Variants in NCALD observed in about 807,000 individuals in gnomAD.
NCALD encodes neurocalcin-delta.
Under a neutral mutation model 18.6 loss-of-function variants are expected in NCALD, and 10 were observed. The ratio of observed to expected loss-of-function variants is 0.54; its 90% CI spans 0.33 to 0.91. NCALD has a LOEUF of 0.91. Among genes scored for constraint, NCALD ranks in the 40% least tolerant of loss-of-function variants. The probability of loss-of-function intolerance (pLI) is 0.03; values close to 1 mark genes in which losing one functional copy is unlikely to be tolerated. For synonymous variants in NCALD, 88 were observed against 87.4 expected, an observed-to-expected ratio of 1.01 and a Z score of -0.04; for missense variants, 184 against 247.6, an observed-to-expected ratio of 0.74 and a Z score of 1.72.
chr8:101,700,611 G>A (rs181245666), intron 2 of NCALD, among the ~76,000 whole-genome samples: 4 of 152,110 alleles, frequency 2.6e-5, no homozygotes, highest in Admixed American at 6.5e-5. Context: ...TCTTCTTCTT[G>A]GGATTCTGAT....
At chr8:101,760,311 C>A (rs759327209) in intron 1 of NCALD, among the ~76,000 whole-genome samples, 1 of 152,168 alleles carries the variant, frequency 6.6e-6, no homozygotes, top group Non-Finnish European at 1.5e-5. Context: ...CCAGTGGGCT[C>A]TGAAGCAGCT....
intron 2 of NCALD, among the ~76,000 whole-genome samples, chr8:102,000,691 G>T (rs1481152167): frequency 6.6e-6 from 1 of 152,222 alleles, no homozygotes; most frequent in South Asian, 2.1e-4. Flanking sequence ...CCAGAGGAAT[G>T]ATCAGGCAAC....
intron 2 of NCALD, among the ~76,000 whole-genome samples, chr8:101,936,049 A>T (rs1818751405): frequency 6.6e-6 from 1 of 152,058 alleles, no homozygotes; most frequent in South Asian, 2.1e-4. Context: ...TTGTAGCAGG[A>T]ATCTGTGGAA....
At chr8:102,011,890 C>G (rs1470784162) in intron 2 of NCALD, among the ~76,000 whole-genome samples, 1 of 152,074 alleles carries the variant, frequency 6.6e-6, no homozygotes, top group Non-Finnish European at 1.5e-5. Context: ...AAAGTTTCAC[C>G]AAATGGAAAT....
intron 4 of NCALD, among the ~76,000 whole-genome samples, chr8:101,869,574 C>T (rs1815919085): frequency 6.6e-6 from 1 of 152,152 alleles, no homozygotes; most frequent in Non-Finnish European, 1.5e-5. Flanking sequence ...AGCTTGATTG[C>T]ATGGGAGTCC....
Position 102,075,287 on chromosome 8 carries a change from T to A in NCALD, c.-210+48950A>T, listed in dbSNP as rs1488653870. Among the ~76,000 whole-genome samples the A allele has an allele frequency of 2.6e-5, 4 of 152,248 alleles. No individual in the cohort carries two copies. In the East Asian group the frequency reaches 5.8e-4, roughly 22 times the overall value. On this transcript the variant is annotated intron_variant, in intron 1 of 6. Transcript: ENST00000311028. ...ATTTTTCCCTATGTGTCCATGAATA[T>A]TTATGGAAACATAACTATAAAACTA...
At chr8:101,892,373 T>C (rs1264945) in intron 3 of NCALD, among the ~76,000 whole-genome samples, 50,802 of 140,878 alleles carry the variant, frequency 0.36, 12,665 homozygotes, top group African/African-American at 0.68. Context: ...ACATCACCAT[T>C]ATCAAAGACC....
intron 2 of NCALD, among the ~76,000 whole-genome samples, chr8:101,936,028 G>T (rs1449371285): frequency 1.3e-5 from 2 of 152,020 alleles, no homozygotes; most frequent in African/African-American, 4.8e-5. Flanking sequence ...ATGCAGGGAG[G>T]TGAATAGATT....
chr8:101,885,706 T>C (rs1358478122), intron 4 of NCALD, among the ~76,000 whole-genome samples: 1 of 152,112 alleles, frequency 6.6e-6, no homozygotes, highest in African/African-American at 2.4e-5. Context: ...CCTGAAACAA[T>C]AAACACAGAG....
intron 1 of NCALD, among the ~76,000 whole-genome samples, chr8:101,780,955 C>T (rs930410320): frequency 5.3e-5 from 8 of 152,034 alleles, no homozygotes; most frequent in African/African-American, 1.9e-4. Flanking sequence ...ACAGTATAGT[C>T]CTTGGCTATA....
intron 1 of NCALD, among the ~76,000 whole-genome samples, chr8:101,724,375 G>A (rs1317571935): frequency 6.6e-6 from 1 of 152,164 alleles, no homozygotes; most frequent in Non-Finnish European, 1.5e-5. Context: ...ATGACACGTT[G>A]GCCTCCTGGA....
At chr8:101,964,892 G>A (rs930647494) in intron 2 of NCALD, among the ~76,000 whole-genome samples, 2 of 152,146 alleles carry the variant, frequency 1.3e-5, no homozygotes, top group African/African-American at 4.8e-5. Context: ...GACTCCAAAA[G>A]GCTTCTTAAG....
Position 101,692,843 on chromosome 8 carries a change from G to T in NCALD, c.432C>A (p.Thr144=), listed in dbSNP as rs767666301. 2.5e-6 allele frequency: 4 copies of T among 1,613,798 alleles called. No individual in the cohort carries two copies. In the South Asian group the frequency reaches 3.3e-5, roughly 13 times the overall value. ...AGATCTTTTCTGTTCTTTTCTCTGGGGTTGACTCATCTTCAGGCATTTTCA... is the reference window on the plus strand; with the variant it reads ...AGATCTTTTCTGTTCTTTTCTCTGGTGTTGACTCATCTTCAGGCATTTTCA... ...SVMKMPEDES[T]PEKRTEKIFR... Residue 144 remains threonine, a synonymous_variant, in exon 3 of 4, where the codon ACC becomes ACA. Coordinates refer to ENST00000220931, the MANE Select transcript of NCALD (RefSeq NM_032041.3).
At chr8:101,781,661 G>T (rs1420441464) in intron 1 of NCALD, among the ~76,000 whole-genome samples, 2 of 152,114 alleles carry the variant, frequency 1.3e-5, no homozygotes, top group Non-Finnish European at 2.9e-5. Flanking sequence ...ATTTCTTCTG[G>T]TGTTGGACCT....
chr8:101,885,422 A>G (rs1375588045), intron 4 of NCALD, among the ~76,000 whole-genome samples: 1 of 152,224 alleles, frequency 6.6e-6, no homozygotes, highest in African/African-American at 2.4e-5. Context: ...TCTTATGGAA[A>G]GCCCCTGTTA....
chr8:101,899,412 A>C (rs1425325868), intron 3 of NCALD, among the ~76,000 whole-genome samples: 1 of 152,000 alleles, frequency 6.6e-6, no homozygotes, highest in Admixed American at 6.6e-5. Context: ...TTGCATGTCA[A>C]ACTTTCAGTA....
intron 3 of NCALD, among the ~76,000 whole-genome samples, chr8:101,909,216 A>G (rs1563886099): frequency 6.6e-6 from 1 of 152,214 alleles, no homozygotes; most frequent in Non-Finnish European, 1.5e-5. Context: ...GTCTAAAATT[A>G]CAAATAAAAG....
At chr8:101,952,743 T>C (rs541446480) in intron 2 of NCALD, among the ~76,000 whole-genome samples, 13 of 152,286 alleles carry the variant, frequency 8.5e-5, no homozygotes, top group Non-Finnish European at 1.9e-4. Context: ...CAGAGGCCCT[T>C]AAGTGTGGAT....
At chr8:101,944,602 T>C (rs1313922264) in intron 2 of NCALD, among the ~76,000 whole-genome samples, 1 of 152,210 alleles carries the variant, frequency 6.6e-6, no homozygotes, top group Admixed American at 6.5e-5. Context: ...TATACCTGTA[T>C]CACCTGAGAT....
Sources: allele counts gnomAD v4.1 joint callset (sites outside exome capture counted in the v4.1 genomes callset), GRCh38; gene constraint gnomAD v4.1.1; transcripts MANE v1.5; gene names NCBI Gene and HGNC (gene_info 2026-07-23, HGNC 2026-07-21).